The following PCSK6 variants were observed in gnomAD, a reference collection of about 807,000 sequenced individuals.
PCSK6 encodes the protein proprotein convertase subtilisin/kexin type 6.
In PCSK6, 85 loss-of-function variants were observed where a neutral mutation model predicts 123.3. The ratio of observed to expected loss-of-function variants is 0.69; its 90% CI spans 0.58 to 0.83. PCSK6 has a LOEUF of 0.83. Among genes scored for constraint, PCSK6 ranks in the 40% least tolerant of loss-of-function variants. PCSK6 has a pLI of 0.00. For synonymous variants in PCSK6, 508 were observed against 516.0 expected, an observed-to-expected ratio of 0.98 and a Z score of 0.21; for missense variants, 1,191 against 1,282.3, an observed-to-expected ratio of 0.93 and a Z score of 1.09.
chr15:101,305,120 C>T lies in PCSK6; in HGVS notation c.*138G>A, dbSNP rs1241553087. 2.8e-6 allele frequency: 2 copies of T among 701,760 alleles called. No homozygotes were observed. The highest frequency in any genetic ancestry group is 4.8e-6 in the Non-Finnish European group (2 of 412,800). The allele number at this position is 701,760 out of a possible 1,614,324, so 43.5% of individuals were successfully genotyped here. The stretch of plus-strand genomic sequence containing the variant: ...CCACCACCCACCTGGCTTGGGTGCT[C>T]AGAGATGCTGCTCCTGGGGAGATAA... On this transcript the variant is annotated 3_prime_UTR_variant, in exon 22 of 22. Transcript: ENST00000611716. This position sits in a 1 kb window ranked among gnomAD's most constrained non-coding sequence, Gnocchi z 4.8.
intron 6 of PCSK6, among the ~76,000 whole-genome samples, chr15:101,415,451 A>G (rs2055855111): frequency 6.6e-6 from 1 of 152,228 alleles, no homozygotes; most frequent in Non-Finnish European, 1.5e-5. Context: ...ATATTTTTAC[A>G]TAAAATACTG....
rs75687025 is a variant in PCSK6, at chr15:101,460,109, G to A, written c.298-16449C>T. Among the ~76,000 whole-genome samples the A allele has an allele frequency of 9.3e-3, 1,406 of 151,844 alleles. 15 individuals are homozygous for A. Among genetic ancestry groups the A allele is most frequent in the African/African-American group, 0.025 (1,030 of 41,398 alleles). On this transcript the variant is annotated intron_variant, in intron 1 of 21. Transcript: ENST00000611716. Reference sequence around the variant, plus strand: ...GGCCACCACTATGCCCCTATGAACCGTCACACAGGTCCCTCTCCTGCCCAG... The same window carrying A: ...GGCCACCACTATGCCCCTATGAACCATCACACAGGTCCCTCTCCTGCCCAG...
chr15:101,438,151 G>A (rs1431779410), intron 2 of PCSK6, among the ~76,000 whole-genome samples: 2 of 152,168 alleles, frequency 1.3e-5, no homozygotes, highest in East Asian at 1.9e-4. Context: ...TGAAGTCCCC[G>A]CATCCTGTGG....
At chr15:101,325,268 G>A (rs7176246) in intron 16 of PCSK6, among the ~76,000 whole-genome samples, 2,476 of 152,302 alleles carry the variant, frequency 0.016, 71 homozygotes, top group African/African-American at 0.056. Context: ...AGCTGGCCCT[G>A]CTGGAAGGTC....
intron 10 of PCSK6, 112 bp from the exon 11 acceptor site, chr15:101,382,321 GAGGTCTCCTGGGGGCCCC>G: frequency 1.2e-6 from 1 of 821,184 alleles, no homozygotes; most frequent in Middle Eastern, 2.3e-4. Context: ...CGTAAGACTC[GAGGTCTCCTGGGGGCCCC>G]AGGCTGCAGG....
chr15:101,321,449 C>T (rs899083648), intron 18 of PCSK6, among the ~76,000 whole-genome samples: 2 of 152,196 alleles, frequency 1.3e-5, no homozygotes, highest in Non-Finnish European at 2.9e-5. Flanking sequence ...CCTGGGGAAA[C>T]TTCATCTCCC....
intron 6 of PCSK6, among the ~76,000 whole-genome samples, chr15:101,399,647 C>G (rs2042527422): frequency 6.6e-6 from 1 of 152,228 alleles, no homozygotes; most frequent in African/African-American, 2.4e-5. Context: ...CCAGAGAAGG[C>G]ATCTGAGAAA....
At chr15:101,464,665 CA>C (rs1398455841) in intron 1 of PCSK6, among the ~76,000 whole-genome samples, 1 of 152,152 alleles carries the variant, frequency 6.6e-6, no homozygotes, top group Admixed American at 6.5e-5. Context: ...GCTGGGAATG[CA>C]GGGAAATGGG....
chr15:101,450,586 C>T (rs1394795889), intron 1 of PCSK6, among the ~76,000 whole-genome samples: 2 of 152,194 alleles, frequency 1.3e-5, no homozygotes, highest in African/African-American at 4.8e-5. Context: ...CACAGAGGAG[C>T]TTGAAATCTG....
chr15:101,421,391 A>G (rs754064830), intron 6 of PCSK6, among the ~76,000 whole-genome samples: 5 of 152,226 alleles, frequency 3.3e-5, no homozygotes, highest in Admixed American at 6.5e-5. Flanking sequence ...TTTCTACTCA[A>G]AAGGTGCGAC....
chr15:101,361,273 A>G (rs1393497160), intron 13 of PCSK6, among the ~76,000 whole-genome samples: 2 of 150,908 alleles, frequency 1.3e-5, no homozygotes, highest in Non-Finnish European at 2.9e-5. Context: ...TCTCTATTAT[A>G]GGAAGATATT....
intron 13 of PCSK6, among the ~76,000 whole-genome samples, chr15:101,336,086 C>A (rs2040470732): frequency 1.3e-5 from 2 of 152,336 alleles, no homozygotes; most frequent in Middle Eastern, 3.4e-3. Flanking sequence ...CACGACTACA[C>A]AAATAGTGCT....
intron 4 of PCSK6, among the ~76,000 whole-genome samples, chr15:101,430,678 C>T (rs2141117021): frequency 6.6e-6 from 1 of 152,302 alleles, no homozygotes; most frequent in Non-Finnish European, 1.5e-5. Context: ...AAATTCATTT[C>T]TAAGGGCTGC....
intron 1 of PCSK6, among the ~76,000 whole-genome samples, chr15:101,447,284 C>G (rs1172578021): frequency 6.6e-6 from 1 of 152,112 alleles, no homozygotes; most frequent in Non-Finnish European, 1.5e-5. Flanking sequence ...CCCAGGCTCA[C>G]GCAGGGTCAC....
Position 101,384,376 on chromosome 15 carries a change from G to A in PCSK6, c.1360C>T (p.Arg454Trp), listed in dbSNP as rs527376739. The change falls in exon 10 of 22, where the codon CGG becomes TGG. Residue 454 changes from arginine to tryptophan, a missense_variant. Around this residue, in one of 3 missense-constraint regions of PCSK6, gnomAD observed 357 missense variants for 484.5 expected, o/e 0.74. Coordinates refer to ENST00000611716, the MANE Select transcript of PCSK6 (RefSeq NM_002570.5). ...TCGCTCGCTTTCAGGTGGGCCGGCC[G>A]GGATGTCTTCACTAGCAGGTGCTGG... ...DVQHLLVKTS[R>W]PAHLKASDWK... The A allele has an allele frequency of 6.2e-6, 10 of 1,613,798 alleles. No homozygotes were observed. The highest frequency in any genetic ancestry group is 1.1e-5 in the South Asian group (1 of 91,060).
intron 13 of PCSK6, chr15:101,347,617 C>T (rs1469018738): frequency 6.5e-7 from 1 of 1,543,076 alleles, no homozygotes; most frequent in African/African-American, 1.4e-5. Context: ...AGTGCTGAGC[C>T]TCTGGGGGCG....
intron 6 of PCSK6, among the ~76,000 whole-genome samples, chr15:101,405,935 G>T (rs1273778858): frequency 1.3e-5 from 2 of 152,104 alleles, no homozygotes; most frequent in African/African-American, 4.8e-5. Flanking sequence ...TAGAGATGGG[G>T]CTTCGCCATG....
Position 101,305,136 on chromosome 15 carries a change from GGGGA to G in PCSK6, c.*118_*121del. 2 of 792,304 alleles carry G rather than the reference GGGGA, an allele frequency of 2.5e-6. No homozygotes were observed. The highest frequency in any genetic ancestry group is 3.2e-5 in the South Asian group (2 of 63,054). 49.1% of individuals were successfully genotyped at this position (792,304 alleles called of 1,614,324 possible). ...TTGGGTGCTCAGAGATGCTGCTCCT[GGGGA>G]GATAAAGCTGTCAGGTGCAGGGCGC... On this transcript the variant is annotated 3_prime_UTR_variant, in exon 22 of 22. Transcript: ENST00000611716. The surrounding 1 kb of genome is among the most constrained non-coding windows in gnomAD (Gnocchi z 4.8).
chr15:101,377,304 G>A (rs2041777716), intron 11 of PCSK6, among the ~76,000 whole-genome samples: 1 of 152,222 alleles, frequency 6.6e-6, no homozygotes, highest in African/African-American at 2.4e-5. Flanking sequence ...TCCTGGCACA[G>A]AGGTCACAGA....
Sources: gnomAD v4.1 joint callset for allele counts (sites outside exome capture counted in the v4.1 genomes callset) on GRCh38, gnomAD v4.1.1 for gene constraint, gnomAD v4.1.1 regional missense constraint, Gnocchi (gnomAD v3.1) non-coding constraint, MANE v1.5 for transcripts, NCBI Gene and HGNC (gene_info 2026-07-23, HGNC 2026-07-21) for gene names.